Variants in NCAPH2 observed in about 807,000 individuals in gnomAD.
NCAPH2 encodes condensin-2 complex subunit H2.
A neutral mutation model predicts 88.6 loss-of-function variants in NCAPH2; 56 were observed. The observed-to-expected ratio is 0.63, with a 90% confidence interval of 0.51 to 0.79. The LOEUF (loss-of-function observed/expected upper bound fraction) is 0.79. Ranked by LOEUF, NCAPH2 falls within the 30% of genes least tolerant of loss-of-function variation. The pLI is 0.00. For synonymous variants in NCAPH2, 378 were observed against 313.6 expected, an observed-to-expected ratio of 1.21 and a Z score of -2.17; for missense variants, 794 against 792.0, an observed-to-expected ratio of 1.00 and a Z score of -0.03.
intron 2 of NCAPH2, 126 bp from the exon 3 acceptor site, chr22:50,517,301 T>TTCC: frequency 1.1e-6 from 1 of 928,304 alleles, no homozygotes; most frequent in Non-Finnish European, 1.7e-6. Context: ...CCAAAATTGG[T>TTCC]GGTTTCTTGT....
Position 50,524,260 on chromosome 22 carries a change from TG to T in NCAPH2, c.*887del. ...GGTTCGAAGCCCAGGGCCCTGGGGC[TG>T]GCCCTGCCCACCTGTCTCTGCAGGG... is the stretch of plus-strand genomic sequence containing the variant. On this transcript the variant is annotated 3_prime_UTR_variant, in exon 20 of 20. Transcript: ENST00000420993. 3.7e-6 allele frequency: 6 copies of T among 1,604,888 alleles called. No individual in the cohort carries two copies. Among genetic ancestry groups the T allele is most frequent in the Non-Finnish European group, 4.2e-6 (5 of 1,179,772 alleles).
chr22:50,520,713 C>A (rs2069063094), intron 9 of NCAPH2: 2 of 455,046 alleles, frequency 4.4e-6, no homozygotes, highest in Non-Finnish European at 8.0e-6. Context: ...TGTGCGCCAC[C>A]ACACCCGGCT....
intron 8 of NCAPH2, 37 bp from the exon 9 acceptor site, chr22:50,519,153 C>T (rs777617125): frequency 6.5e-7 from 1 of 1,540,746 alleles, no homozygotes; most frequent in Non-Finnish European, 8.7e-7. Context: ...GGTCTCGGCA[C>T]TCCTTGGAGC....
Position 50,523,585 on chromosome 22 carries a change from A to C in NCAPH2, c.*210A>C. 3 of 1,611,634 alleles carry C rather than the reference A, an allele frequency of 1.9e-6. No homozygotes were observed. Among genetic ancestry groups the C allele is most frequent in the Non-Finnish European group, 2.5e-6 (3 of 1,179,292 alleles). On this transcript the variant is annotated 3_prime_UTR_variant, in exon 20 of 20. Transcript: ENST00000420993. ...CACACAGATTAAACGCAGCCCGTTT[A>C]ATGATGGGGCCCAGACTGCAGTGGC...
rs188812156 is a variant in NCAPH2 at position 50,510,944 on chromosome 22, T to C, written c.108+2499T>C. Reference sequence around the variant, plus strand: ...TCACTGCAAGCTCTGCCTTCTGGGTTCACGCCATTTTCCTGCCTCAGCTTC... The same window carrying C: ...TCACTGCAAGCTCTGCCTTCTGGGTCCACGCCATTTTCCTGCCTCAGCTTC... On this transcript the variant is annotated intron_variant, in intron 1 of 19. Coordinates refer to ENST00000420993, the MANE Select transcript of NCAPH2 (RefSeq NM_152299.4). 1.4e-3 allele frequency among the ~76,000 whole-genome samples: 205 copies of C among 151,748 alleles called. 3 individuals are homozygous for C. The highest frequency in any genetic ancestry group is 4.7e-3 in the African/African-American group (196 of 41,284).
In NCAPH2 at chr22:50,523,688, C is replaced by G. The variant is rs200610534; in HGVS notation, c.*313C>G. The G allele has an allele frequency of 1.5e-5, 25 of 1,613,962 alleles. No homozygotes were observed. Among genetic ancestry groups the G allele is most frequent in the Non-Finnish European group, 1.9e-5 (23 of 1,180,032 alleles). Reference sequence around the variant, plus strand: ...ATCTGCTCAGCCGATCTGCTCCGGCCGTAGTAATCCGTGAAGAGGCCGTCA... The same window carrying G: ...ATCTGCTCAGCCGATCTGCTCCGGCGGTAGTAATCCGTGAAGAGGCCGTCA... On this transcript the variant is annotated 3_prime_UTR_variant, in exon 20 of 20. Coordinates refer to ENST00000420993, the MANE Select transcript of NCAPH2 (RefSeq NM_152299.4).
chr22:50,518,689 G>T lies in NCAPH2; in HGVS notation c.687G>T (p.Val229=). Residue 229 remains valine, a synonymous_variant, in exon 8 of 20, where the codon GTG becomes GTT. Coordinates refer to ENST00000420993, the MANE Select transcript of NCAPH2 (RefSeq NM_152299.4). ...RTEEQPMEVS[V]CRSPVPALGF... is the part of the protein sequence containing the mutation. ...AGGAGCAGCCAATGGAAGTTTCCGT[G>T]TGCAGGAGCCCTGTCCCAGCACTCG... 1 of 1,609,774 alleles carries T rather than the reference G, an allele frequency of 6.2e-7. No homozygotes were observed. Among genetic ancestry groups the T allele is most frequent in the Non-Finnish European group, 8.5e-7 (1 of 1,178,934 alleles).
chr22:50,519,418 C>G, intron 9 of NCAPH2, 98 bp downstream of exon 9: 3 of 1,517,916 alleles, frequency 2.0e-6, no homozygotes, highest in Non-Finnish European at 2.6e-6. Context: ...GTGGTATGGC[C>G]TTGGCCCCAG....
Position 50,521,774 on chromosome 22 carries a change from A to C in NCAPH2, c.1034A>C (p.Glu345Ala), listed in dbSNP as rs138786473. Residue 345 changes from glutamate (E) to alanine (A), a missense_variant, in exon 12 of 20, where the codon GAG becomes GCG. Physicochemically the swap from Glu to Ala is moderately radical, Grantham distance 107. This residue lies in a region of NCAPH2 where 735 missense variants were observed against 696.3 expected (regional missense o/e 1.06). Coordinates refer to ENST00000420993, the MANE Select transcript of NCAPH2 (RefSeq NM_152299.4). ...RPYSVPPCVE[E>A]ALGQKRKRKG... ...TACTCTGTGCCCCCCTGTGTGGAGG[A>C]GGCTCTGGGACAGAAGCGCAAGAGG... is the stretch of plus-strand genomic sequence containing the variant. 1.1e-5 allele frequency: 18 copies of C among 1,613,734 alleles called. No homozygotes were observed. Among genetic ancestry groups the C allele is most frequent in the Middle Eastern group, 1.6e-4 (1 of 6,084 alleles).
Position 50,522,661 on chromosome 22 carries a change from C to T in NCAPH2, c.1376-10C>T, listed in dbSNP as rs1009304218. ...CCTTAGCTGCCCAGCTCACAGCTAC[C>T]CCTTCCCAGACGCAGTGCCGATGTC... On this transcript the variant is annotated splice_polypyrimidine_tract_variant and intron_variant, in intron 16 of 19. Transcript: ENST00000420993. 3.1e-6 allele frequency: 5 copies of T among 1,613,716 alleles called. No homozygotes were observed. Among genetic ancestry groups the T allele is most frequent in the Middle Eastern group, 1.7e-4 (1 of 6,058 alleles).
chr22:50,524,094 CA>C lies in NCAPH2; in HGVS notation c.*720del. ...AGCGAGCCCGGCCTCTGTGATCCAG[CA>C]GGTGGAAGTCGCCCTGGCCCACAGC... On this transcript the variant is annotated 3_prime_UTR_variant, in exon 20 of 20. Transcript: ENST00000420993. The C allele has an allele frequency of 1.9e-6, 3 of 1,613,126 alleles. No individual in the cohort carries two copies. Among genetic ancestry groups the C allele is most frequent in the Non-Finnish European group, 2.5e-6 (3 of 1,180,020 alleles).
rs771631683 is a variant in NCAPH2 at position 50,517,591 on chromosome 22, T to C, written c.281T>C (p.Leu94Pro). The C allele has an allele frequency of 8.7e-6, 14 of 1,613,936 alleles. No homozygotes were observed. Among genetic ancestry groups the C allele is most frequent in the African/African-American group, 2.7e-5 (2 of 74,926 alleles). The stretch of plus-strand genomic sequence containing the variant: ...TTCTCTCTCAGGCGGGCCAAGCAGC[T>C]CTCTTCGGTGCAGGAGGACAGGGCC... ...FISGKRRAKQ[L>P]SSVQEDRANG... is the part of the protein sequence containing the mutation. Residue 94 changes from leucine (L) to proline (P), a missense_variant, in exon 4 of 20, where the codon CTC (leucine) becomes CCC (proline). By Grantham distance (98) the Leu-to-Pro change is moderately conservative (BLOSUM62 -3). Transcript: ENST00000420993.
At chr22:50,521,392 G>C in intron 10 of NCAPH2, 151 bp from the exon 11 acceptor site, 3 of 804,638 alleles carry the variant, frequency 3.7e-6, no homozygotes, top group Non-Finnish European at 6.2e-6. Context: ...CTTTGGGAGG[G>C]TGGCTGTGCA....
intron 1 of NCAPH2, among the ~76,000 whole-genome samples, chr22:50,512,496 A>G (rs1175080996): frequency 7.5e-6 from 1 of 132,920 alleles, no homozygotes; most frequent in South Asian, 2.5e-4. Context: ...TCCTTCTGTC[A>G]TTTTCCACAC....
At chr22:50,508,467 C>A in intron 1 of NCAPH2, 22 bp downstream of exon 1, 1 of 297,568 alleles carries the variant, frequency 3.4e-6, no homozygotes, top group Non-Finnish European at 5.7e-6. Flanking sequence ...GGGGGAGTGA[C>A]GCGGGGTGGG....
At position 50,523,787 on chromosome 22, in the gene NCAPH2, A is replaced by G; in HGVS notation, c.*412A>G. 1 of 1,614,158 alleles carries G rather than the reference A, an allele frequency of 6.2e-7. No homozygotes were observed. Among genetic ancestry groups the G allele is most frequent in the South Asian group, 1.1e-5 (1 of 91,084 alleles). ...TCCTCATCCTTGGGGCCTGCATTGTAGTACACGCGGTAACTGTGACTAGCC... is the reference window on the plus strand; with the variant it reads ...TCCTCATCCTTGGGGCCTGCATTGTGGTACACGCGGTAACTGTGACTAGCC... On this transcript the variant is annotated 3_prime_UTR_variant, in exon 20 of 20. Coordinates refer to ENST00000420993, the MANE Select transcript of NCAPH2 (RefSeq NM_152299.4).
chr22:50,514,518 G>A (rs951770939), intron 1 of NCAPH2, among the ~76,000 whole-genome samples: 28 of 152,210 alleles, frequency 1.8e-4, no homozygotes, highest in Non-Finnish European at 4.0e-4. Flanking sequence ...ATGTGGGTTT[G>A]GGCTCAGATG....
chr22:50,521,695 A>G (rs371007702), intron 11 of NCAPH2, 46 bp from the exon 12 acceptor site: 29 of 1,612,320 alleles, frequency 1.8e-5, no homozygotes, highest in Non-Finnish European at 2.3e-5. Context: ...TGGGCTTTGC[A>G]CCCTGATCCC....
rs910583115 is a variant in NCAPH2, at chr22:50,511,285, C to CTTT, written c.108+2860_108+2862dup. 3.0e-4 allele frequency among the ~76,000 whole-genome samples: 33 copies of CTTT among 109,652 alleles called. 6 individuals carry two copies. The highest frequency in any genetic ancestry group is 9.6e-4 in the East Asian group (4 of 4,168). 71.9% of individuals were successfully genotyped at this position (109,652 alleles called of 152,430 possible). A position where few individuals can be genotyped will look rare whatever the true frequency, so the allele number is the denominator to read the frequency against. On this transcript the variant is annotated intron_variant, in intron 1 of 19. Transcript: ENST00000420993. ...TCAAGCAGTTCTCCTGCCTCAGCCT[C>CTTT]TTTTTTTTTTTTTTTTTTTTTTGAG...
Sources: allele counts gnomAD v4.1 joint callset (sites outside exome capture counted in the v4.1 genomes callset), GRCh38; gene constraint gnomAD v4.1.1; regional missense constraint gnomAD v4.1.1; transcripts MANE v1.5; gene names NCBI Gene and HGNC (gene_info 2026-07-23, HGNC 2026-07-21).